AKAP12: variants seen among roughly 807,000 people sequenced by gnomAD.
AKAP12 encodes the protein A-kinase anchor protein 12.
Under a neutral mutation model 79.9 loss-of-function variants are expected in AKAP12, and 32 were observed. The observed-to-expected ratio is 0.40, with a 90% CI of 0.30 to 0.54. The LOEUF (loss-of-function observed/expected upper bound fraction) is 0.54, where lower values mean the gene tolerates loss of function less well. Among genes scored for constraint, AKAP12 ranks in the 20% least tolerant of loss-of-function variants. The pLI, the probability that AKAP12 is intolerant of heterozygous loss-of-function variation, is 0.48. For synonymous variants in AKAP12, 808 were observed against 857.0 expected, an observed-to-expected ratio of 0.94 and a Z score of 1.00; for missense variants, 2,074 against 2,177.0, an observed-to-expected ratio of 0.95 and a Z score of 0.94.
chr6:151,316,931 C>A (rs1777249498), intron 3 of AKAP12, among the ~76,000 whole-genome samples: 1 of 152,204 alleles, frequency 6.6e-6, no homozygotes, highest in South Asian at 2.1e-4. Context: ...AGCCACCACA[C>A]CCGGCCAGGA....
Position 151,240,422 on chromosome 6 carries a change from G to A in AKAP12, c.-141G>A. 1 of 889,754 alleles carries A rather than the reference G, an allele frequency of 1.1e-6. No individual in the cohort carries two copies. The highest frequency in any genetic ancestry group is 1.5e-6 in the Non-Finnish European group (1 of 662,194). The allele number at this position is 889,754 out of a possible 1,614,324, so 55.1% of individuals were successfully genotyped here. A position where few individuals can be genotyped will look rare whatever the true frequency, so the allele number is the denominator to read the frequency against. On this transcript the variant is annotated 5_prime_UTR_variant, in exon 2 of 5. Transcript: ENST00000402676. ...GCGCGTCTCCTTCATTCGCAGGCTG[G>A]GCGCGTTCGCAGTCGGCTGGCGGCG...
intron 2 of AKAP12, among the ~76,000 whole-genome samples, chr6:151,261,205 T>C (rs1038392541): frequency 4.4e-4 from 66 of 150,940 alleles, no homozygotes; most frequent in African/African-American, 1.4e-3. Context: ...CTGGTTAACA[T>C]GGCGAAACCC....
In AKAP12 at chr6:151,352,278, G is replaced by C. The variant is rs9478198; in HGVS notation, c.3887G>C (p.Arg1296Pro). ...ATAGACACAGGCATAACAGTCAGTC[G>C]GGAAAAGGTCACTGAAGTTGCCCTT... ...GSIDTGITVS[R>P]EKVTEVALKG... The change falls in exon 4 of 5, where the codon CGG becomes CCG. Residue 1296 changes from arginine to proline, a missense_variant. Coordinates refer to ENST00000402676, the MANE Select transcript of AKAP12 (RefSeq NM_005100.4). The C allele has an allele frequency of 6.2e-7, 1 of 1,614,166 alleles. No homozygotes were observed. The highest frequency in any genetic ancestry group is 1.1e-5 in the South Asian group (1 of 91,064).
At chr6:151,330,365 T>G (rs934332183) in intron 3 of AKAP12, among the ~76,000 whole-genome samples, 5 of 152,192 alleles carry the variant, frequency 3.3e-5, no homozygotes, top group African/African-American at 1.2e-4. Context: ...CTTGCTTTTA[T>G]GAATTTGCAT....
At chr6:151,256,963 A>ATATATATATATATATATATATATAC in intron 2 of AKAP12, among the ~76,000 whole-genome samples, 1 of 81,278 alleles carries the variant, frequency 1.2e-5, no homozygotes, top group Non-Finnish European at 2.4e-5. Flanking sequence ...TATATATATA[A>ATATATATATATATATATATATATAC]ACTTTAAATT....
intron 3 of AKAP12, among the ~76,000 whole-genome samples, chr6:151,332,038 T>TTTGTTTTTTG (rs1349133707): frequency 5.6e-5 from 8 of 141,964 alleles, no homozygotes; most frequent in Non-Finnish European, 1.2e-4. Context: ...GGTCTGTTTT[T>TTTGTTTTTTG]TTTTTTTTTT....
rs111946443 is a variant in AKAP12, at chr6:151,278,959, G to A, written c.163-26788G>A. On this transcript the variant is annotated intron_variant, in intron 2 of 4. Coordinates refer to ENST00000402676, the MANE Select transcript of AKAP12 (RefSeq NM_005100.4). ...TGGGATTACAGGCATGAGCCACCGC[G>A]CCCGGCGGTAGTATCTAGTTCTTAA... is the stretch of plus-strand genomic sequence containing the variant. 7.9e-3 allele frequency among the ~76,000 whole-genome samples: 1,206 copies of A among 152,318 alleles called. 16 individuals carry two copies. Among genetic ancestry groups the A allele is most frequent in the African/African-American group, 0.027 (1,130 of 41,586 alleles).
At chr6:151,279,981 CTCTTG>C (rs1776366480) in intron 2 of AKAP12, among the ~76,000 whole-genome samples, 2 of 151,722 alleles carry the variant, frequency 1.3e-5, no homozygotes, top group South Asian at 4.2e-4. Flanking sequence ...CCTTCATTCC[CTCTTG>C]TCTTCTGAGA....
intron 2 of AKAP12, among the ~76,000 whole-genome samples, chr6:151,264,959 C>T (rs1797521803): frequency 1.3e-5 from 2 of 151,984 alleles, no homozygotes; most frequent in Non-Finnish European, 2.9e-5. Context: ...CAAGAGCAGC[C>T]TGACCAACTG....
intron 2 of AKAP12, among the ~76,000 whole-genome samples, chr6:151,242,910 G>C (rs1233100708): frequency 6.6e-6 from 1 of 152,186 alleles, no homozygotes; most frequent in African/African-American, 2.4e-5. Flanking sequence ...GTTTTGATTG[G>C]AAAATATCAA....
intron 2 of AKAP12, among the ~76,000 whole-genome samples, chr6:151,262,829 C>T (rs568593565): frequency 6.6e-6 from 1 of 152,228 alleles, no homozygotes; most frequent in South Asian, 2.1e-4. Flanking sequence ...AGGACTGTTT[C>T]ACCAGTGAAG....
chr6:151,241,491 G>C (rs183390856), intron 2 of AKAP12, among the ~76,000 whole-genome samples: 1 of 152,300 alleles, frequency 6.6e-6, no homozygotes, highest in South Asian at 2.1e-4. Context: ...TCAGTGTAAC[G>C]AGCATTCCGG....
At chr6:151,256,962 A>ATATATATATATATATATAT (rs1554319585) in intron 2 of AKAP12, among the ~76,000 whole-genome samples, 1 of 151,086 alleles carries the variant, frequency 6.6e-6, no homozygotes, top group Admixed American at 6.6e-5. Flanking sequence ...ATATATATAT[A>ATATATATATATATATATAT]AACTTTAAAT....
intron 2 of AKAP12, among the ~76,000 whole-genome samples, chr6:151,295,206 T>C (rs543487679): frequency 5.3e-5 from 8 of 152,276 alleles, no homozygotes; most frequent in African/African-American, 1.9e-4. Context: ...TCCTTTGGGG[T>C]TTCCATAAGC....
intron 2 of AKAP12, among the ~76,000 whole-genome samples, chr6:151,292,437 T>C (rs1367177912): frequency 6.6e-6 from 1 of 152,176 alleles, no homozygotes; most frequent in African/African-American, 2.4e-5. Flanking sequence ...ACAGTTGTCC[T>C]TCAGTATCTT....
rs1776455208 is a variant in AKAP12, at chr6:151,284,045, A to G, written c.163-21702A>G. On this transcript the variant is annotated intron_variant, in intron 2 of 4. Transcript: ENST00000402676. Reference sequence around the variant, plus strand: ...TGGTCAATTTATATCTGATAAAGCGAGCAAGTCTTAAGCGTATAGCTTGGT... The same window carrying G: ...TGGTCAATTTATATCTGATAAAGCGGGCAAGTCTTAAGCGTATAGCTTGGT... 2.0e-5 allele frequency among the ~76,000 whole-genome samples: 3 copies of G among 152,182 alleles called. 1 individual carries two copies. The highest frequency in any genetic ancestry group is 6.5e-5 in the Admixed American group (1 of 15,276).
chr6:151,345,324 C>T (rs957894508), intron 3 of AKAP12, among the ~76,000 whole-genome samples: 2 of 151,998 alleles, frequency 1.3e-5, no homozygotes, highest in African/African-American at 4.8e-5. Context: ...ATCCGCCCGC[C>T]TCAGCCTCCC....
intron 2 of AKAP12, among the ~76,000 whole-genome samples, chr6:151,259,371 C>G (rs1797364499): frequency 6.7e-6 from 1 of 149,994 alleles, no homozygotes; most frequent in Admixed American, 6.7e-5. Context: ...AACATATTTT[C>G]CTAGGTACTC....
chr6:151,351,433 C>T lies in AKAP12; in HGVS notation c.3042C>T (p.Asp1014=). The stretch of plus-strand genomic sequence containing the variant: ...TCTCCCAGTTAACCGACTCCCCAGA[C>T]ACCACAGAGGAGGCCACTCCGGTGC... ...SAVSQLTDSP[D]TTEEATPVQE... is the part of the protein sequence containing the mutation. Residue 1014 remains aspartate (D), a synonymous_variant, in exon 4 of 5, where the codon GAC becomes GAT. Coordinates refer to ENST00000402676, the MANE Select transcript of AKAP12 (RefSeq NM_005100.4). The surrounding 1 kb of genome is among the most constrained non-coding windows in gnomAD (Gnocchi z 4.4). 6.2e-7 allele frequency: 1 copy of T among 1,614,234 alleles called. No individual in the cohort carries two copies. The highest frequency in any genetic ancestry group is 8.5e-7 in the Non-Finnish European group (1 of 1,180,042).
Sources: gnomAD v4.1 joint callset for allele counts (sites outside exome capture counted in the v4.1 genomes callset) on GRCh38, gnomAD v4.1.1 for gene constraint, Gnocchi (gnomAD v3.1) non-coding constraint, MANE v1.5 for transcripts, NCBI Gene and HGNC (gene_info 2026-07-23, HGNC 2026-07-21) for gene names.